The following RIT2 variants were observed in gnomAD, a reference collection of about 807,000 sequenced individuals.
RIT2 encodes GTP-binding protein Rit2.
RIT2 carries 24 observed loss-of-function variants against 23.7 expected under a neutral mutation model. The observed-to-expected ratio is 1.01, with a 90% CI of 0.73 to 1.43. RIT2 has a LOEUF of 1.43. Among genes scored for constraint, RIT2 ranks in the 40% most tolerant of loss-of-function variants. RIT2 has a pLI of 0.00. For missense variants in RIT2, 236 were observed against 266.9 expected (o/e 0.88, Z 0.81); for synonymous variants, 107 against 91.1 (o/e 1.17, Z -0.99).
At chr18:42,967,286 T>A (rs77477549) in intron 3 of RIT2, among the ~76,000 whole-genome samples, 4,755 of 152,100 alleles carry the variant, frequency 0.031, 131 homozygotes, top group Middle Eastern at 0.13. Context: ...TCTTTCACAG[T>A]TGATGGTCTA....
At chr18:42,856,315 C>T (rs1907180800) in intron 4 of RIT2, among the ~76,000 whole-genome samples, 1 of 152,208 alleles carries the variant, frequency 6.6e-6, no homozygotes, top group South Asian at 2.1e-4. Context: ...AGGCCAAGAA[C>T]AATCTAGGCA....
chr18:42,969,546 G>A (rs1187518882), intron 3 of RIT2, among the ~76,000 whole-genome samples: 1 of 151,886 alleles, frequency 6.6e-6, no homozygotes, highest in Non-Finnish European at 1.5e-5. Flanking sequence ...TGCAGAGTTG[G>A]TTAGGAACTA....
chr18:43,041,896 G>A (rs1912136615), intron 1 of RIT2, among the ~76,000 whole-genome samples: 1 of 151,832 alleles, frequency 6.6e-6, no homozygotes, highest in Admixed American at 6.6e-5. Flanking sequence ...TATGAAAGAG[G>A]AAAATTATAG....
chr18:42,842,658 C>T (rs958721559), intron 4 of RIT2, among the ~76,000 whole-genome samples: 19 of 152,010 alleles, frequency 1.2e-4, no homozygotes. Context: ...ATCCCATATC[C>T]AAAAATCTGA....
At position 43,104,924 on chromosome 18, in the gene RIT2, G is replaced by T. The variant is rs187894992; in HGVS notation, c.103+10493C>A. Reference sequence around the variant, plus strand: ...AGTGTTGCTACTATGGAGAATGGAAGACATGTCATATTACTCAAAATTTAT... The same window carrying T: ...AGTGTTGCTACTATGGAGAATGGAATACATGTCATATTACTCAAAATTTAT... On this transcript the variant is annotated intron_variant, in intron 1 of 4. Transcript: ENST00000326695. Among the ~76,000 whole-genome samples, 17 of 152,208 alleles carry T rather than the reference G, an allele frequency of 1.1e-4. 1 individual carries two copies. The highest frequency in any genetic ancestry group is 6.5e-5 in the Admixed American group (1 of 15,298).
chr18:43,030,546 C>T (rs1450903291), intron 2 of RIT2, among the ~76,000 whole-genome samples: 4 of 152,048 alleles, frequency 2.6e-5, no homozygotes, highest in African/African-American at 4.8e-5. Context: ...TAGGAACCAT[C>T]AAACAGAGAT....
At chr18:43,066,048 A>C (rs1324636409) in intron 1 of RIT2, among the ~76,000 whole-genome samples, 1 of 152,168 alleles carries the variant, frequency 6.6e-6, no homozygotes, top group East Asian at 1.9e-4. Context: ...GACTTCATGG[A>C]TTTCCAAAAA....
intron 4 of RIT2, among the ~76,000 whole-genome samples, chr18:42,797,047 A>C (rs1424905241): frequency 6.6e-6 from 1 of 152,220 alleles, no homozygotes; most frequent in Admixed American, 6.5e-5. Context: ...TAAGAACTTC[A>C]TAAGATTATT....
intron 2 of RIT2, among the ~76,000 whole-genome samples, chr18:43,002,036 C>T (rs1451225994): frequency 1.3e-5 from 2 of 151,860 alleles, no homozygotes; most frequent in Non-Finnish European, 2.9e-5. Flanking sequence ...AAGGTGAAGT[C>T]CCACAAGAGG....
At chr18:42,878,832 C>T (rs1907813076) in intron 4 of RIT2, among the ~76,000 whole-genome samples, 1 of 150,686 alleles carries the variant, frequency 6.6e-6, no homozygotes, top group African/African-American at 2.4e-5. Flanking sequence ...TGTACCGCCC[C>T]CCGCCCCCCG....
chr18:43,074,165 C>T (rs191549983), intron 1 of RIT2, among the ~76,000 whole-genome samples: 1 of 152,128 alleles, frequency 6.6e-6, no homozygotes, highest in Non-Finnish European at 1.5e-5. Flanking sequence ...AGAACAGTGG[C>T]AGTAATTAGA....
intron 4 of RIT2, among the ~76,000 whole-genome samples, chr18:42,758,883 A>G (rs1913231667): frequency 6.6e-6 from 1 of 151,956 alleles, no homozygotes. Flanking sequence ...GCTTTTCACA[A>G]TTATGTGCCC....
At chr18:43,110,903 A>T (rs1233135640) in intron 1 of RIT2, among the ~76,000 whole-genome samples, 2 of 152,188 alleles carry the variant, frequency 1.3e-5, no homozygotes, top group Non-Finnish European at 2.9e-5. Context: ...ATACACATAG[A>T]TAGTAAAATA....
At chr18:42,872,797 C>T (rs114284509) in intron 4 of RIT2, among the ~76,000 whole-genome samples, 363 of 152,200 alleles carry the variant, frequency 2.4e-3, no homozygotes, top group African/African-American at 8.3e-3. Context: ...TAGACACTTC[C>T]ACTCTTATTT....
At chr18:42,979,588 CAT>C (rs1910550144) in intron 2 of RIT2, among the ~76,000 whole-genome samples, 1 of 152,092 alleles carries the variant, frequency 6.6e-6, no homozygotes, top group South Asian at 2.1e-4. Context: ...ATTGTAGGTA[CAT>C]ATGTGTGTCT....
At chr18:43,095,643 G>T (rs1913534589) in intron 1 of RIT2, among the ~76,000 whole-genome samples, 1 of 151,890 alleles carries the variant, frequency 6.6e-6, no homozygotes, top group South Asian at 2.1e-4. Context: ...TGTAATCATT[G>T]TATCTAAAGA....
At chr18:42,990,942 C>T (rs1598740658) in intron 2 of RIT2, among the ~76,000 whole-genome samples, 1 of 137,618 alleles carries the variant, frequency 7.3e-6, no homozygotes, top group East Asian at 2.5e-4. Context: ...AAAGACTAAC[C>T]AAAGGAGTAC....
At chr18:42,759,820 C>T (rs1319368400) in intron 4 of RIT2, among the ~76,000 whole-genome samples, 2 of 151,114 alleles carry the variant, frequency 1.3e-5, no homozygotes, top group African/African-American at 4.9e-5. Flanking sequence ...CTTAGTTGCC[C>T]AGGCTGGAGT....
At chr18:43,051,056 C>G (rs911262447) in intron 1 of RIT2, among the ~76,000 whole-genome samples, 1 of 152,020 alleles carries the variant, frequency 6.6e-6, no homozygotes, top group East Asian at 1.9e-4. Context: ...GAGGCTCGGA[C>G]TTACAACTAG....
Sources: gnomAD v4.1 joint callset for allele counts (sites outside exome capture counted in the v4.1 genomes callset) on GRCh38, gnomAD v4.1.1 for gene constraint, MANE v1.5 for transcripts, NCBI Gene and HGNC (gene_info 2026-07-23, HGNC 2026-07-21) for gene names.